ROPN1: variants seen among roughly 807,000 people sequenced by gnomAD.
ROPN1 encodes the protein rhophilin associated tail protein 1, also known as ropporin-1A.
Under a neutral mutation model 20.5 loss-of-function variants are expected in ROPN1, and 14 were observed. The observed-to-expected ratio is 0.68, with a 90% CI of 0.45 to 1.07. The LOEUF (loss-of-function observed/expected upper bound fraction) is 1.07. ROPN1 is among the 50% of genes least tolerant of loss of function. The pLI, the probability that ROPN1 is intolerant of heterozygous loss-of-function variation, is 0.00. For missense variants in ROPN1, 169 were observed against 242.8 expected, an observed-to-expected ratio of 0.70 and a Z score of 2.02; for synonymous variants, 76 against 95.7, an observed-to-expected ratio of 0.79 and a Z score of 1.20.
At chr3:123,979,140 C>A (rs1261346804) in intron 2 of ROPN1, 3 of 215,756 alleles carry the variant, frequency 1.4e-5, no homozygotes, top group African/African-American at 2.4e-5. Context: ...AAGCAACCCC[C>A]ATTTATGTTT....
At chr3:123,980,328 C>T (rs750672368) in intron 2 of ROPN1, 38 bp downstream of exon 2, 5 of 1,605,164 alleles carry the variant, frequency 3.1e-6, no homozygotes, top group Non-Finnish European at 1.7e-6. Context: ...TGTCTCCGGC[C>T]GTCCTCCAAG....
chr3:123,973,369 T>C (rs1434442772), intron 4 of ROPN1, among the ~76,000 whole-genome samples: 1 of 152,164 alleles, frequency 6.6e-6, no homozygotes, highest in Non-Finnish European at 1.5e-5. Flanking sequence ...TCAAGGCCTC[T>C]TAGAATTGGA....
intron 3 of ROPN1, 78 bp downstream of exon 3, chr3:123,976,786 C>T (rs2038032582): frequency 7.0e-7 from 1 of 1,419,368 alleles, no homozygotes; most frequent in African/African-American, 1.4e-5. Flanking sequence ...GTCAGGAGAA[C>T]AGAGGGCTTT....
At position 123,980,409 on chromosome 3, in the gene ROPN1, C is replaced by A. The variant is rs780741651; in HGVS notation, c.73G>T (p.Ala25Ser). ...AGGTCCTGCGGCTGCACCCTAATGGCGGCTTTGGCAAACTCCTTCAGCATC... is the reference window on the plus strand; with the variant it reads ...AGGTCCTGCGGCTGCACCCTAATGGAGGCTTTGGCAAACTCCTTCAGCATC... The part of the protein sequence containing the change: ...PKMLKEFAKA[A>S]IRVQPQDLIQ... Residue 25 changes from alanine (A) to serine (S), a missense_variant, in exon 2 of 6, where the codon GCC becomes TCC. Physicochemically the swap from Ala to Ser is moderately conservative, Grantham distance 99. Around this residue, in one of 3 missense-constraint regions of ROPN1, gnomAD observed 84 missense variants for 99.3 expected, o/e 0.85. Transcript: ENST00000405845. 3 of 1,614,148 alleles carry A rather than the reference C, an allele frequency of 1.9e-6. No individual in the cohort carries two copies. Among genetic ancestry groups the A allele is most frequent in the East Asian group, 2.2e-5 (1 of 44,886 alleles).
At chr3:123,983,471 A>G (rs865944298) in intron 1 of ROPN1, among the ~76,000 whole-genome samples, 1 of 152,212 alleles carries the variant, frequency 6.6e-6, no homozygotes, top group East Asian at 1.9e-4. Context: ...AGATGCCCCA[A>G]TCCTAATTAA....
At chr3:123,974,312 C>T (rs1259194475) in intron 4 of ROPN1, among the ~76,000 whole-genome samples, 1 of 152,184 alleles carries the variant, frequency 6.6e-6, no homozygotes, top group Non-Finnish European at 1.5e-5. Context: ...TGACTGACAA[C>T]TCATAGGCCT....
intron 4 of ROPN1, among the ~76,000 whole-genome samples, chr3:123,970,668 A>C (rs1577361220): frequency 6.6e-6 from 1 of 152,304 alleles, no homozygotes; most frequent in East Asian, 1.9e-4. Context: ...AGAAGAAGGT[A>C]GGAGAAGGGT....
intron 1 of ROPN1, among the ~76,000 whole-genome samples, chr3:123,985,994 A>AG (rs2038244274): frequency 9.8e-6 from 1 of 101,914 alleles, no homozygotes; most frequent in Non-Finnish European, 1.8e-5. Context: ...CCTTGTCTCA[A>AG]AAAAAAAAAA....
At chr3:123,981,653 C>T (rs956537176) in intron 1 of ROPN1, among the ~76,000 whole-genome samples, 2 of 152,228 alleles carry the variant, frequency 1.3e-5, no homozygotes, top group African/African-American at 4.8e-5. Flanking sequence ...TTGGTAGCCA[C>T]AGACTAGTTC....
intron 2 of ROPN1, chr3:123,979,383 T>C (rs2038088536): frequency 2.9e-6 from 1 of 343,096 alleles, no homozygotes; most frequent in Non-Finnish European, 5.7e-6. Flanking sequence ...CTCAACGGCC[T>C]CTCTCACTCT....
At chr3:123,985,828 A>G (rs1405040134) in intron 1 of ROPN1, among the ~76,000 whole-genome samples, 1 of 151,746 alleles carries the variant, frequency 6.6e-6, no homozygotes, top group Non-Finnish European at 1.5e-5. Context: ...CCTGGGCAAC[A>G]TGGTGAAACC....
intron 1 of ROPN1, among the ~76,000 whole-genome samples, chr3:123,983,605 G>C (rs1375044086): frequency 6.6e-6 from 1 of 151,878 alleles, no homozygotes; most frequent in Non-Finnish European, 1.5e-5. Flanking sequence ...TTTCATTTTG[G>C]GGCAAGGAAT....
chr3:123,970,710 A>G (rs2037899354), intron 4 of ROPN1, among the ~76,000 whole-genome samples: 1 of 152,206 alleles, frequency 6.6e-6, no homozygotes, highest in Non-Finnish European at 1.5e-5. Context: ...TCCCAGGAAG[A>G]TACTGGAAAA....
At position 123,969,202 on chromosome 3, in the gene ROPN1, T is replaced by C. The variant is rs2037863107; in HGVS notation, c.592A>G (p.Ile198Val). 1 of 1,613,880 alleles carries C rather than the reference T, an allele frequency of 6.2e-7. No homozygotes were observed. Among genetic ancestry groups the C allele is most frequent in the African/African-American group, 1.3e-5 (1 of 74,932 alleles). Residue 198 changes from isoleucine (I) to valine (V), a missense_variant, in exon 6 of 6, where the codon ATC (isoleucine) becomes GTC (valine). Ile to Val is a conservative substitution (Grantham distance 29, BLOSUM62 3). Coordinates refer to ENST00000405845, the MANE Select transcript of ROPN1 (RefSeq NM_001317774.2). ...TTTTGGGTAAAGTCATTCACTGTGA[T>C]TATACCATCAGGGCCAATTCTGTTT... Reference protein sequence around the residue: ...EQEVIGPDGIITVNDFTQNPR... With the variant: ...EQEVIGPDGIVTVNDFTQNPR...
At chr3:123,983,295 T>C (rs1182669716) in intron 1 of ROPN1, among the ~76,000 whole-genome samples, 2 of 152,242 alleles carry the variant, frequency 1.3e-5, no homozygotes, top group African/African-American at 4.8e-5. Flanking sequence ...AGAAGTGGAA[T>C]GGATGGATCA....
At position 123,970,134 on chromosome 3, in the gene ROPN1, G is replaced by A. The variant is rs763224764; in HGVS notation, c.480C>T (p.Thr160=). The part of the protein sequence containing the change: ...NGGSPRIPFS[T]FQFLYTYIAK... ...CAATATACGTGTAGAGAAACTGGAAGGTGCTGAACGGGATCCGGGGCGACC... is the reference window on the plus strand; with the variant it reads ...CAATATACGTGTAGAGAAACTGGAAAGTGCTGAACGGGATCCGGGGCGACC... Residue 160 remains threonine (T), a synonymous_variant, in exon 5 of 6, where the codon ACC becomes ACT. Transcript: ENST00000405845. The A allele has an allele frequency of 3.7e-6, 6 of 1,614,052 alleles. No homozygotes were observed. Among genetic ancestry groups the A allele is most frequent in the Non-Finnish European group, 4.2e-6 (5 of 1,180,034 alleles).
chr3:123,983,793 C>T (rs1341272344), intron 1 of ROPN1, among the ~76,000 whole-genome samples: 1 of 152,076 alleles, frequency 6.6e-6, no homozygotes, highest in Non-Finnish European at 1.5e-5. Context: ...GTGCTAAGTA[C>T]AGGACCATAC....
rs1284050218 is a variant in ROPN1, at chr3:123,980,579, CTGTT to C, written c.-12-90_-12-87del. 4.2e-6 allele frequency: 5 copies of C among 1,200,006 alleles called. No individual in the cohort carries two copies. In the East Asian group the frequency reaches 7.3e-5, roughly 18 times the overall value. The allele number at this position is 1,200,006 out of a possible 1,614,324, so 74.3% of individuals were successfully genotyped here. ...TCCTGGACAGGAGGTCACCCAGCCT[CTGTT>C]TGACACTCAATTTTGGGGACTCTGC... On this transcript the variant is annotated intron_variant, in intron 1 of 5. Coordinates refer to ENST00000405845, the MANE Select transcript of ROPN1 (RefSeq NM_001317774.2).
intron 1 of ROPN1, chr3:123,981,439 T>C (rs537616394): frequency 1.3e-5 from 2 of 153,746 alleles, no homozygotes; most frequent in South Asian, 4.1e-4. Context: ...GCAGGGTGGA[T>C]AGAGACCAAG....
Sources: gnomAD v4.1 joint callset for allele counts (sites outside exome capture counted in the v4.1 genomes callset) on GRCh38, gnomAD v4.1.1 for gene constraint, gnomAD v4.1.1 regional missense constraint, MANE v1.5 for transcripts, NCBI Gene and HGNC (gene_info 2026-07-23, HGNC 2026-07-21) for gene names.